ITGB8: variants seen among roughly 807,000 people sequenced by gnomAD.
ITGB8 encodes the protein integrin subunit beta 8.
In ITGB8, 30 loss-of-function variants were observed where a neutral mutation model predicts 89.5. The observed-to-expected ratio is 0.34, with a 90% CI of 0.25 to 0.45. ITGB8 has a LOEUF of 0.45. ITGB8 is among the 20% of genes least tolerant of loss of function. ITGB8 has a pLI of 1.00. For synonymous variants in ITGB8, 335 were observed against 320.4 expected (o/e 1.05, Z -0.49); for missense variants, 836 against 933.3 (o/e 0.90, Z 1.36).
At position 20,356,948 on chromosome 7, in the gene ITGB8, T is replaced by TA. The variant is rs201894290; in HGVS notation, c.128-6688dup. On this transcript the variant is annotated intron_variant, in intron 1 of 13. Transcript: ENST00000222573. Reference sequence around the variant, plus strand: ...TATCAGCTAAATATTTTCAAAATAATATGAATGAATGGCATCATCAAAAAC... The same window carrying TA: ...TATCAGCTAAATATTTTCAAAATAATAATGAATGAATGGCATCATCAAAAAC... 7.8e-3 allele frequency among the ~76,000 whole-genome samples: 1,182 copies of TA among 152,274 alleles called. 21 individuals are homozygous for TA. The highest frequency in any genetic ancestry group is 0.026 in the African/African-American group (1,099 of 41,570).
chr7:20,367,960 G>A (rs1427737588), intron 3 of ITGB8, among the ~76,000 whole-genome samples: 1 of 152,194 alleles, frequency 6.6e-6, no homozygotes, highest in African/African-American at 2.4e-5. Flanking sequence ...TTGGATGCAT[G>A]TAGTTTAACG....
chr7:20,388,571 AAG>A (rs1786723014), intron 6 of ITGB8, among the ~76,000 whole-genome samples: 1 of 152,146 alleles, frequency 6.6e-6, no homozygotes, highest in Non-Finnish European at 1.5e-5. Context: ...TTTCTTTTAA[AAG>A]AGATTTCTCT....
At position 20,409,729 on chromosome 7, in the gene ITGB8, G is replaced by T. The variant is rs765157346; in HGVS notation, c.2138G>T (p.Ser713Ile). 94 of 1,612,244 alleles carry T rather than the reference G, an allele frequency of 5.8e-5. No homozygotes were observed. The highest frequency in any genetic ancestry group is 3.3e-4 in the Middle Eastern group (2 of 6,072). The change falls in exon 13 of 14, where the codon AGT (serine) becomes ATT (isoleucine). Residue 713 changes from serine to isoleucine, a missense_variant. Physicochemically the swap from Ser to Ile is moderately radical, Grantham distance 142. Transcript: ENST00000222573. ...IIRQVILQWN[S>I]NKIKSSSDYR... The stretch of plus-strand genomic sequence containing the variant: ...AGACAGGTGATACTACAATGGAATA[G>T]TAATAAAATTAAGTCCTCATCAGAT...
At chr7:20,387,630 T>A (rs1786680582) in intron 6 of ITGB8, among the ~76,000 whole-genome samples, 1 of 152,198 alleles carries the variant, frequency 6.6e-6, no homozygotes, top group Non-Finnish European at 1.5e-5. Context: ...GTCATAACTG[T>A]GGAAAGAGGG....
Position 20,380,446 on chromosome 7 carries a change from G to T in ITGB8, c.636-220G>T, listed in dbSNP as rs1284361943. ...CATGTTTAATCATCTTTATTTTTTT[G>T]AATACCAAATGCTTATAGTCTTATT... On this transcript the variant is annotated intron_variant, in intron 4 of 13. Coordinates refer to ENST00000222573, the MANE Select transcript of ITGB8 (RefSeq NM_002214.3). The T allele has an allele frequency of 1.7e-5, 8 of 469,288 alleles. No homozygotes were observed. The East Asian group carries it at 2.8e-4, about 17-fold the overall frequency. 29.1% of individuals were successfully genotyped at this position (469,288 alleles called of 1,614,324 possible).
intron 12 of ITGB8, among the ~76,000 whole-genome samples, chr7:20,408,360 T>C (rs947716688): frequency 6.7e-6 from 1 of 149,766 alleles, no homozygotes; most frequent in Admixed American, 6.7e-5. Flanking sequence ...TGACCTTTCT[T>C]TCAAAGTACC....
chr7:20,358,254 T>A (rs1266870645), intron 1 of ITGB8, among the ~76,000 whole-genome samples: 1 of 152,034 alleles, frequency 6.6e-6, no homozygotes, highest in African/African-American at 2.4e-5. Context: ...TGAGCCACCA[T>A]TCCTGGCCTA....
At chr7:20,353,077 G>A (rs1310278307) in intron 1 of ITGB8, 1 of 152,168 alleles carries the variant, frequency 6.6e-6, no homozygotes, top group Non-Finnish European at 1.5e-5. Flanking sequence ...ATGACCTAGA[G>A]TTTTGATTTA....
At chr7:20,366,823 A>T in intron 2 of ITGB8, 189 bp from the exon 3 acceptor site, 1 of 504,932 alleles carries the variant, frequency 2.0e-6, no homozygotes, top group Non-Finnish European at 3.4e-6. Flanking sequence ...CTTCTCAAAT[A>T]GGTTTTAGAT....
chr7:20,391,356 G>A (rs754695782), intron 6 of ITGB8, 47 bp from the exon 7 acceptor site: 18 of 1,008,640 alleles, frequency 1.8e-5, no homozygotes, highest in Non-Finnish European at 2.4e-5. Flanking sequence ...TGAATAGGAT[G>A]GAGCTATGAA....
intron 1 of ITGB8, among the ~76,000 whole-genome samples, chr7:20,361,456 C>T (rs879742508): frequency 3.9e-5 from 6 of 152,158 alleles, no homozygotes; most frequent in Non-Finnish European, 7.4e-5. Flanking sequence ...CATCCAGTGT[C>T]TTGTGAGGGA....
At chr7:20,366,862 G>C in intron 2 of ITGB8, 150 bp from the exon 3 acceptor site, 1 of 570,758 alleles carries the variant, frequency 1.8e-6, no homozygotes, top group Non-Finnish European at 3.0e-6. Context: ...ATTTTTGCTT[G>C]TGTTTTTCTT....
chr7:20,332,220 C>A (rs1004178166), intron 1 of ITGB8, among the ~76,000 whole-genome samples: 1 of 152,204 alleles, frequency 6.6e-6, no homozygotes, highest in Non-Finnish European at 1.5e-5. Context: ...AAGAGGGTGT[C>A]CTGTTTACAG....
At chr7:20,355,256 G>C (rs374392993) in intron 1 of ITGB8, among the ~76,000 whole-genome samples, 179 of 152,262 alleles carry the variant, frequency 1.2e-3, no homozygotes, top group South Asian at 3.5e-3. Flanking sequence ...TTGTGTTGTC[G>C]TTTGGGCTCA....
At chr7:20,379,338 G>A (rs111793662) in intron 4 of ITGB8, 41 bp downstream of exon 4, 3 of 1,364,258 alleles carry the variant, frequency 2.2e-6, no homozygotes, top group African/African-American at 3.0e-5. Flanking sequence ...TTAATTTTTT[G>A]CTTATAAAAT....
intron 3 of ITGB8, among the ~76,000 whole-genome samples, chr7:20,378,826 G>C (rs1210321161): frequency 6.6e-6 from 1 of 152,100 alleles, no homozygotes; most frequent in African/African-American, 2.4e-5. Context: ...GAAATGAACT[G>C]TAGGATTTGG....
At chr7:20,371,969 C>CT (rs1785951427) in intron 3 of ITGB8, among the ~76,000 whole-genome samples, 1 of 152,040 alleles carries the variant, frequency 6.6e-6, no homozygotes, top group African/African-American at 2.4e-5. Context: ...TTTCTTTTGC[C>CT]TTTTTCCTAG....
chr7:20,353,997 T>A (rs1428374653), intron 1 of ITGB8, among the ~76,000 whole-genome samples: 1 of 150,536 alleles, frequency 6.6e-6, no homozygotes, highest in African/African-American at 2.4e-5. Context: ...AGAGATGAAT[T>A]CATCTAGTTA....
chr7:20,346,966 G>A (rs1167622331), intron 1 of ITGB8: 1 of 549,484 alleles, frequency 1.8e-6, no homozygotes, highest in Non-Finnish European at 2.3e-6. Flanking sequence ...TTAAAGGTGG[G>A]GCCTTTGGAA....
Sources: allele counts gnomAD v4.1 joint callset (sites outside exome capture counted in the v4.1 genomes callset), GRCh38; gene constraint gnomAD v4.1.1; transcripts MANE v1.5; gene names NCBI Gene and HGNC (gene_info 2026-07-23, HGNC 2026-07-21).